SLC14A2: variants seen among roughly 807,000 people sequenced by gnomAD.
The protein encoded by SLC14A2 is solute carrier family 14 member 2.
SLC14A2 carries 91 observed loss-of-function variants against 104.6 expected under a neutral mutation model. The observed-to-expected ratio is 0.87, with a 90% CI of 0.73 to 1.04. The LOEUF (loss-of-function observed/expected upper bound fraction) is 1.04, where lower values mean the gene tolerates loss of function less well. Among genes scored for constraint, SLC14A2 ranks in the 50% least tolerant of loss-of-function variants. The probability of loss-of-function intolerance (pLI) is 0.00; values close to 1 mark genes in which losing one functional copy is unlikely to be tolerated. For synonymous variants in SLC14A2, 476 were observed against 466.4 expected (o/e 1.02, Z -0.27); for missense variants, 1,189 against 1,156.0 (o/e 1.03, Z -0.41).
At chr18:45,299,494 C>G (rs2084947826) in intron 1 of SLC14A2, among the ~76,000 whole-genome samples, 1 of 152,138 alleles carries the variant, frequency 6.6e-6, no homozygotes. Context: ...TGGAGTCTTT[C>G]TTTGTCACCC....
At chr18:45,314,858 G>A (rs757942528) in intron 1 of SLC14A2, among the ~76,000 whole-genome samples, 1 of 152,186 alleles carries the variant, frequency 6.6e-6, no homozygotes, top group African/African-American at 2.4e-5. Flanking sequence ...GTTATAAAAG[G>A]GGGCGCAGAG....
chr18:45,639,860 G>A lies in SLC14A2; in HGVS notation c.958G>A (p.Ala320Thr), dbSNP rs1437506046. ...FISSPLICLHAAIGSIVGLLA... is the reference protein window; with the variant it reads ...FISSPLICLHTAIGSIVGLLA... ...CTCCTCGCCACTCATCTGCTTGCAT[G>A]CAGCCATTGGCTCAATCGTGGGGCT... is the stretch of plus-strand genomic sequence containing the variant. Residue 320 changes from alanine to threonine, a missense_variant, in exon 7 of 20, where the codon GCA (alanine) becomes ACA (threonine). Physicochemically the swap from Ala to Thr is moderately conservative, Grantham distance 58. Transcript: ENST00000255226. 10 of 1,613,726 alleles carry A rather than the reference G, an allele frequency of 6.2e-6. No homozygotes were observed. The highest frequency in any genetic ancestry group is 2.2e-5 in the South Asian group (2 of 91,058).
At chr18:45,331,248 T>A (rs1461692164) in intron 1 of SLC14A2, among the ~76,000 whole-genome samples, 1 of 152,208 alleles carries the variant, frequency 6.6e-6, no homozygotes, top group Admixed American at 6.5e-5. Context: ...AAGCCAAGTC[T>A]CCTGTAATAT....
chr18:45,448,741 T>C (rs2086811676), intron 1 of SLC14A2, among the ~76,000 whole-genome samples: 1 of 152,196 alleles, frequency 6.6e-6, no homozygotes, highest in Non-Finnish European at 1.5e-5. Flanking sequence ...AGCATCTTCA[T>C]TCATGTATTT....
the SLC14A2 span, among the ~76,000 whole-genome samples, chr18:45,199,479 A>G: frequency 6.6e-6 from 1 of 151,842 alleles, no homozygotes; most frequent in African/African-American, 2.4e-5. Flanking sequence ...TCATTTTACA[A>G]TTTCATTAAT....
At chr18:45,522,495 T>A (rs1268996840) in intron 2 of SLC14A2, among the ~76,000 whole-genome samples, 1 of 151,994 alleles carries the variant, frequency 6.6e-6, no homozygotes, top group East Asian at 1.9e-4. Context: ...GGCCCCGAGC[T>A]CAGGGCGGGA....
intron 2 of SLC14A2, among the ~76,000 whole-genome samples, chr18:45,599,113 T>C (rs1268466617): frequency 2.6e-5 from 4 of 152,174 alleles, no homozygotes; most frequent in Admixed American, 1.3e-4. Context: ...TATAAACAAG[T>C]CTATAAACCA....
intron 1 of SLC14A2, among the ~76,000 whole-genome samples, chr18:45,359,821 G>A (rs774386482): frequency 1.9e-4 from 29 of 152,316 alleles, no homozygotes; most frequent in African/African-American, 2.9e-4. Context: ...CCCAGCCACC[G>A]GCAAGGGCTT....
intron 1 of SLC14A2, among the ~76,000 whole-genome samples, chr18:45,227,471 G>A (rs553857620): frequency 1.3e-4 from 20 of 152,310 alleles, no homozygotes; most frequent in African/African-American, 4.8e-4. Context: ...CATTTGGTCT[G>A]GTGAGATCCT....
chr18:45,465,882 A>G (rs1490332791), intron 1 of SLC14A2, among the ~76,000 whole-genome samples: 1 of 152,164 alleles, frequency 6.6e-6, no homozygotes, highest in Admixed American at 6.5e-5. Context: ...CACGTTGCAA[A>G]TATAAGAGAT....
intron 2 of SLC14A2, among the ~76,000 whole-genome samples, chr18:45,517,122 C>A (rs1056996179): frequency 6.6e-6 from 1 of 152,114 alleles, no homozygotes; most frequent in Admixed American, 6.5e-5. Flanking sequence ...CACAACTCAC[C>A]GAAGGACACA....
chr18:45,506,135 C>T (rs1294077445), intron 2 of SLC14A2, among the ~76,000 whole-genome samples: 2 of 152,164 alleles, frequency 1.3e-5, no homozygotes, highest in African/African-American at 4.8e-5. Context: ...GGTGTCAGGT[C>T]CAGTCCTGTA....
chr18:45,669,256 T>C, intron 15 of SLC14A2, 50 bp from the exon 16 acceptor site: 1 of 1,508,766 alleles, frequency 6.6e-7, no homozygotes, highest in Non-Finnish European at 9.1e-7. Flanking sequence ...CAGTCTAGTG[T>C]TATGACCAGG....
chr18:45,511,090 T>C (rs2043359588), intron 2 of SLC14A2, among the ~76,000 whole-genome samples: 1 of 134,180 alleles, frequency 7.5e-6, no homozygotes, highest in African/African-American at 2.5e-5. Flanking sequence ...ACTCCCCTTT[T>C]ATTGTTGTTT....
chr18:45,575,732 A>G (rs1441375290), intron 2 of SLC14A2, among the ~76,000 whole-genome samples: 1 of 152,194 alleles, frequency 6.6e-6, no homozygotes, highest in Non-Finnish European at 1.5e-5. Context: ...TATAAATCAA[A>G]ATAGTTGAAG....
At chr18:45,595,942 G>C (rs1046195777) in intron 2 of SLC14A2, among the ~76,000 whole-genome samples, 1 of 152,212 alleles carries the variant, frequency 6.6e-6, no homozygotes, top group Non-Finnish European at 1.5e-5. Flanking sequence ...CTGCAGTGCA[G>C]AAATGAGGTC....
chr18:45,368,781 T>C (rs1347188197), intron 1 of SLC14A2, among the ~76,000 whole-genome samples: 1 of 152,162 alleles, frequency 6.6e-6, no homozygotes, highest in Non-Finnish European at 1.5e-5. Flanking sequence ...TGTTTGCTTC[T>C]CTCCTACCAG....
At chr18:45,561,710 T>C (rs923588233) in intron 2 of SLC14A2, among the ~76,000 whole-genome samples, 1 of 152,160 alleles carries the variant, frequency 6.6e-6, no homozygotes, top group Admixed American at 6.5e-5. Flanking sequence ...GCAACAACCC[T>C]ATTATGAATT....
the SLC14A2 span, among the ~76,000 whole-genome samples, chr18:45,199,955 G>A: frequency 6.6e-6 from 1 of 152,134 alleles, no homozygotes; most frequent in African/African-American, 2.4e-5. Flanking sequence ...TGTCCGATCA[G>A]GAGTCCACAT....
Sources: allele counts gnomAD v4.1 joint callset (sites outside exome capture counted in the v4.1 genomes callset), GRCh38; gene constraint gnomAD v4.1.1; transcripts MANE v1.5; gene names NCBI Gene and HGNC (gene_info 2026-07-23, HGNC 2026-07-21).